RPN2: variants seen among roughly 807,000 people sequenced by gnomAD.
RPN2 encodes the protein dolichyl-diphosphooligosaccharide--protein glycosyltransferase subunit 2.
A neutral mutation model predicts 71.4 loss-of-function variants in RPN2; 29 were observed. The observed-to-expected ratio is 0.41, with a 90% CI of 0.30 to 0.55. The LOEUF is 0.55. Ranked by LOEUF, RPN2 falls within the 20% of genes least tolerant of loss-of-function variation. RPN2 has a pLI of 0.35. For missense variants in RPN2, 726 were observed against 774.1 expected, an observed-to-expected ratio of 0.94 and a Z score of 0.74; for synonymous variants, 308 against 305.0, an observed-to-expected ratio of 1.01 and a Z score of -0.10.
intron 3 of RPN2, 143 bp downstream of exon 3, chr20:37,198,635 T>C: frequency 1.4e-6 from 2 of 1,452,992 alleles, no homozygotes; most frequent in Non-Finnish European, 1.8e-6. Context: ...ATTTTTTTTT[T>C]CCTTAAGAAA....
intron 4 of RPN2, among the ~76,000 whole-genome samples, chr20:37,202,756 G>C (rs1383588839): frequency 6.6e-6 from 1 of 152,150 alleles, no homozygotes; most frequent in Non-Finnish European, 1.5e-5. Context: ...CAACATGGAT[G>C]AGCCTTGAAA....
At chr20:37,197,722 C>T (rs1034049559) in intron 2 of RPN2, among the ~76,000 whole-genome samples, 3 of 152,104 alleles carry the variant, frequency 2.0e-5, no homozygotes, top group Non-Finnish European at 4.4e-5. Flanking sequence ...CCTCAGCCTC[C>T]CAGGTAGCTG....
chr20:37,212,001 C>G (rs1469653297), intron 8 of RPN2, among the ~76,000 whole-genome samples: 1 of 152,118 alleles, frequency 6.6e-6, no homozygotes, highest in African/African-American at 2.4e-5. Context: ...AGGCGTGTGA[C>G]CTCAGGTGAT....
chr20:37,183,343 G>A (rs1213926585), intron 1 of RPN2, among the ~76,000 whole-genome samples: 1 of 151,978 alleles, frequency 6.6e-6, no homozygotes, highest in African/African-American at 2.4e-5. Context: ...AGCCTCCCAA[G>A]TAGCTGGGAT....
chr20:37,214,100 A>G (rs2067747378), intron 9 of RPN2, among the ~76,000 whole-genome samples: 1 of 152,200 alleles, frequency 6.6e-6, no homozygotes. Flanking sequence ...TTCATTTTCC[A>G]TTATAATTTA....
At chr20:37,238,901 T>C (rs1478865640) in intron 16 of RPN2, 4 of 508,458 alleles carry the variant, frequency 7.9e-6, no homozygotes, top group Non-Finnish European at 4.0e-6. Context: ...GGGCTAAACA[T>C]TGTGGTCTGG....
intron 2 of RPN2, 46 bp from the exon 3 acceptor site, chr20:37,198,351 C>G: frequency 6.2e-7 from 1 of 1,614,054 alleles, no homozygotes; most frequent in Non-Finnish European, 8.5e-7. Flanking sequence ...TTTCCTGGTT[C>G]ACTACATGTG....
intron 16 of RPN2, among the ~76,000 whole-genome samples, chr20:37,237,321 A>G (rs1159811450): frequency 6.6e-6 from 1 of 152,190 alleles, no homozygotes; most frequent in Non-Finnish European, 1.5e-5. Context: ...AATTGGAGGC[A>G]AATTTAAATG....
At chr20:37,188,344 G>A (rs1341188223) in intron 2 of RPN2, among the ~76,000 whole-genome samples, 2 of 151,922 alleles carry the variant, frequency 1.3e-5, no homozygotes, top group Non-Finnish European at 2.9e-5. Context: ...TGGTAGAGAC[G>A]AGGTTTCACT....
In RPN2 at chr20:37,213,792, A is replaced by C. The variant is rs746304941; in HGVS notation, c.1019A>C (p.Lys340Thr). 6.2e-7 allele frequency: 1 copy of C among 1,614,130 alleles called. No homozygotes were observed. The highest frequency in any genetic ancestry group is 1.1e-5 in the South Asian group (1 of 91,084). Residue 340 changes from lysine to threonine, a missense_variant, in exon 9 of 17, where the codon AAA (lysine) becomes ACA (threonine). By Grantham distance (78) the Lys-to-Thr change is moderately conservative. Transcript: ENST00000237530. ...DVFELNFMNV[K>T]FSSGYYDFLV... is the part of the protein sequence containing the mutation. ...TTTGAACTAAATTTCATGAACGTCA[A>C]ATTTTCCAGTGGTTATTATGACTTC...
At chr20:37,203,836 GATGA>G (rs766321198) in intron 4 of RPN2, 45 bp from the exon 5 acceptor site, 1 of 1,319,078 alleles carries the variant, frequency 7.6e-7, no homozygotes, top group South Asian at 1.2e-5. Flanking sequence ...GGGGTGAGTG[GATGA>G]AACAAGACTT....
chr20:37,229,778 G>C, intron 12 of RPN2, 195 bp from the exon 13 acceptor site: 1 of 629,388 alleles, frequency 1.6e-6, no homozygotes, highest in East Asian at 2.8e-5. Context: ...GCTCTAAAAA[G>C]CATTTTCAGC....
intron 15 of RPN2, among the ~76,000 whole-genome samples, chr20:37,235,964 G>A (rs1481007300): frequency 6.6e-6 from 1 of 152,082 alleles, no homozygotes; most frequent in Admixed American, 6.5e-5. Flanking sequence ...TATATCCTGT[G>A]TATTTTTGTT....
chr20:37,206,308 G>A (rs1359723144), intron 6 of RPN2, among the ~76,000 whole-genome samples: 3 of 152,050 alleles, frequency 2.0e-5, no homozygotes, highest in Non-Finnish European at 4.4e-5. Context: ...ATAAAGTTTG[G>A]TCTTATAAAT....
intron 15 of RPN2, 62 bp from the exon 16 acceptor site, chr20:37,236,518 C>A: frequency 1.9e-6 from 3 of 1,589,946 alleles, no homozygotes; most frequent in Non-Finnish European, 2.6e-6. Flanking sequence ...GTCTAACTTT[C>A]CTCAACCGCA....
In RPN2 at chr20:37,207,298, C is replaced by T. The variant is rs369258694; in HGVS notation, c.716C>T (p.Ala239Val). The change falls in exon 7 of 17, where the codon GCG becomes GTG. Residue 239 changes from alanine to valine, a missense_variant. Coordinates refer to ENST00000237530, the MANE Select transcript of RPN2 (RefSeq NM_002951.5). ...KEDQVIQLMNAIFSKKNFESL... is the reference protein window; with the variant it reads ...KEDQVIQLMNVIFSKKNFESL... ...GATCAGGTCATCCAGCTGATGAACG[C>T]GATCTTCAGCAAGAAGAACTTTGAG... The T allele has an allele frequency of 4.3e-6, 7 of 1,613,786 alleles. No homozygotes were observed. Among genetic ancestry groups the T allele is most frequent in the Middle Eastern group, 1.6e-4 (1 of 6,082 alleles).
At chr20:37,204,335 C>G (rs1440722147) in intron 5 of RPN2, among the ~76,000 whole-genome samples, 1 of 152,158 alleles carries the variant, frequency 6.6e-6, no homozygotes, top group Non-Finnish European at 1.5e-5. Context: ...AGCAGTATGT[C>G]TCTCTTTGTC....
chr20:37,206,020 G>A (rs1237579517), intron 6 of RPN2, among the ~76,000 whole-genome samples: 2 of 152,094 alleles, frequency 1.3e-5, no homozygotes, highest in African/African-American at 4.8e-5. Flanking sequence ...GAGTAGTGAT[G>A]GAAAATTGTA....
At chr20:37,182,201 C>T (rs1475926706) in intron 1 of RPN2, among the ~76,000 whole-genome samples, 9 of 152,152 alleles carry the variant, frequency 5.9e-5, no homozygotes. Flanking sequence ...TTAAGTGATT[C>T]TCCTGCCTCA....
Sources: gnomAD v4.1 joint callset for allele counts (sites outside exome capture counted in the v4.1 genomes callset) on GRCh38, gnomAD v4.1.1 for gene constraint, MANE v1.5 for transcripts, NCBI Gene and HGNC (gene_info 2026-07-23, HGNC 2026-07-21) for gene names.